MYCBP2: variants seen among roughly 807,000 people sequenced by gnomAD.
The protein encoded by MYCBP2 is MYC binding protein 2.
In MYCBP2, 120 loss-of-function variants were observed where a neutral mutation model predicts 525.3. The ratio of observed to expected loss-of-function variants is 0.23; its 90% confidence interval spans 0.20 to 0.27. The LOEUF (loss-of-function observed/expected upper bound fraction) is 0.27. Ranked by LOEUF, MYCBP2 falls within the 10% of genes least tolerant of loss-of-function variation. The pLI, the probability that MYCBP2 is intolerant of heterozygous loss-of-function variation, is 1.00. For missense variants in MYCBP2, 4,149 were observed against 5,657.1 expected (o/e 0.73, Z 8.55); for synonymous variants, 1,894 against 1,955.8 (o/e 0.97, Z 0.83).
chr13:77,052,018 A>G (rs1185326827), intron 80 of MYCBP2, 100 bp from the exon 81 acceptor site: 34 of 873,202 alleles, frequency 3.9e-5, no homozygotes, highest in Non-Finnish European at 4.4e-5. Context: ...GGGGTTTTAG[A>G]AAATACCATT....
At chr13:77,070,223 A>G (rs1227507253) in intron 69 of MYCBP2, among the ~76,000 whole-genome samples, 1 of 152,152 alleles carries the variant, frequency 6.6e-6, no homozygotes, top group East Asian at 1.9e-4. Context: ...ATTCCTCTCT[A>G]AAAAATGGCA....
chr13:77,185,780 G>A, intron 31 of MYCBP2, 91 bp downstream of exon 31: 4 of 920,662 alleles, frequency 4.3e-6, no homozygotes, highest in Non-Finnish European at 6.3e-6. Context: ...AATGCAGCTG[G>A]GGGGCATAAA....
intron 14 of MYCBP2, among the ~76,000 whole-genome samples, chr13:77,254,419 C>T (rs1250453295): frequency 4.0e-5 from 6 of 151,514 alleles, no homozygotes; most frequent in East Asian, 1.9e-4. Context: ...GGTAGAGACA[C>T]AATTTTTTAA....
Position 77,211,976 on chromosome 13 carries a change from A to C in MYCBP2, c.3242T>G (p.Phe1081Cys). ...ATTACCTATTATGTGTTTACTGGCAAAAATTTCTGATGTAGCAAGTACATG... is the reference window on the plus strand; with the variant it reads ...ATTACCTATTATGTGTTTACTGGCACAAATTTCTGATGTAGCAAGTACATG... ...NSHVLATSEI[F>C]ASKHIIGLVP... The change falls in exon 22 of 83, where the codon TTT (phenylalanine) becomes TGT (cysteine). Residue 1081 changes from phenylalanine to cysteine, a missense_variant. Coordinates refer to ENST00000544440, the MANE Select transcript of MYCBP2 (RefSeq NM_015057.5). The C allele has an allele frequency of 6.2e-7, 1 of 1,613,974 alleles. No homozygotes were observed. Among genetic ancestry groups the C allele is most frequent in the Non-Finnish European group, 8.5e-7 (1 of 1,179,900 alleles).
intron 26 of MYCBP2, among the ~76,000 whole-genome samples, chr13:77,205,036 C>G (rs2063158245): frequency 6.6e-6 from 1 of 151,472 alleles, no homozygotes; most frequent in Non-Finnish European, 1.5e-5. Context: ...TACCCTAAAA[C>G]TTAAAGTATA....
Position 77,181,860 on chromosome 13 carries a change from A to G in MYCBP2, c.4782T>C (p.Ala1594=). The G allele has an allele frequency of 6.2e-7, 1 of 1,614,086 alleles. No homozygotes were observed. The highest frequency in any genetic ancestry group is 8.5e-7 in the Non-Finnish European group (1 of 1,180,022). ...TCAGCTTAACAGACGTGTGACACAG[A>G]GCTGACATAACAGCTGCAAGGAGTC... ...SSRLLAAVMS[A]LCHTSVKLTS... Residue 1594 remains alanine, a synonymous_variant, in exon 33 of 83, where the codon GCT becomes GCC. Transcript: ENST00000544440.
At position 77,326,589 on chromosome 13, in the gene MYCBP2, G is replaced by A; in HGVS notation, c.187C>T (p.His63Tyr). 1 of 1,590,878 alleles carries A rather than the reference G, an allele frequency of 6.3e-7. No homozygotes were observed. The highest frequency in any genetic ancestry group is 8.5e-7 in the Non-Finnish European group (1 of 1,170,324). Residue 63 changes from histidine (H) to tyrosine (Y), a missense_variant, in exon 1 of 83, where the codon CAC (histidine) becomes TAC (tyrosine). By Grantham distance (83) the His-to-Tyr change is moderately conservative. This residue lies in a region of MYCBP2 where 413 missense variants were observed against 451.2 expected (regional missense o/e 0.92). Coordinates refer to ENST00000544440, the MANE Select transcript of MYCBP2 (RefSeq NM_015057.5). This position sits in a 1 kb window ranked among gnomAD's most constrained non-coding sequence, Gnocchi z 4.2. ...CGGCCTGACAGCAGCAGCTGGTAGT[G>A]ACCCCGGGAGTCCGCGGCGGGTAGC... The part of the protein sequence containing the change: ...LGLPAADSRG[H>Y]YQLLLSGRAL...
rs2154068405 is a variant in MYCBP2, at chr13:77,058,439, A to G, written c.13141-33T>C. 1 of 1,506,466 alleles carries G rather than the reference A, an allele frequency of 6.6e-7. No homozygotes were observed. The highest frequency in any genetic ancestry group is 1.4e-5 in the African/African-American group (1 of 70,750). The allele number at this position is 1,506,466 out of a possible 1,614,324, so 93.3% of individuals were successfully genotyped here. ...AGATGAATTACAATGTTACACAAGT[A>G]TGTAAAAAAGCACACATTCTGGTAA... is the stretch of plus-strand genomic sequence containing the variant. On this transcript the variant is annotated intron_variant, in intron 77 of 82. Transcript: ENST00000544440. The surrounding 1 kb of genome is among the most constrained non-coding windows in gnomAD (Gnocchi z 4.1).
chr13:77,124,196 T>C (rs561574670), intron 54 of MYCBP2, among the ~76,000 whole-genome samples: 1 of 152,166 alleles, frequency 6.6e-6, no homozygotes, highest in South Asian at 2.1e-4. Flanking sequence ...TGTACAACCA[T>C]AGACACGTTA....
At chr13:77,138,704 C>A (rs17067242) in intron 52 of MYCBP2, among the ~76,000 whole-genome samples, 25,170 of 151,970 alleles carry the variant, frequency 0.17, 2,394 homozygotes, top group South Asian at 0.4. Flanking sequence ...TAGAATACAA[C>A]GGAGCACCAC....
chr13:77,326,099 T>C lies in MYCBP2; in HGVS notation c.302+375A>G, dbSNP rs2154385829. Among the ~76,000 whole-genome samples, 1 of 152,072 alleles carries C rather than the reference T, an allele frequency of 6.6e-6. No individual in the cohort carries two copies. Among genetic ancestry groups the C allele is most frequent in the East Asian group, 1.9e-4 (1 of 5,168 alleles). On this transcript the variant is annotated intron_variant, in intron 1 of 82. Coordinates refer to ENST00000544440, the MANE Select transcript of MYCBP2 (RefSeq NM_015057.5). This position sits in a 1 kb window ranked among gnomAD's most constrained non-coding sequence, Gnocchi z 4.2. ...TGCCACTGTTGCAATTCTCTTCGTG[T>C]ATCATCCTCTTACCCTCTCTACCCA...
chr13:77,183,859 C>T (rs2060485596), intron 32 of MYCBP2, among the ~76,000 whole-genome samples: 1 of 152,020 alleles, frequency 6.6e-6, no homozygotes. Context: ...ACCCCTATTT[C>T]ACTTTTGATT....
intron 2 of MYCBP2, 140 bp from the exon 3 acceptor site, chr13:77,288,516 T>G (rs917192134): frequency 2.2e-5 from 16 of 730,848 alleles, no homozygotes; most frequent in Admixed American, 5.9e-5. Flanking sequence ...TCTAAGTCTA[T>G]GGACCCAACT....
At chr13:77,186,786 C>T (rs73241439) in intron 30 of MYCBP2, among the ~76,000 whole-genome samples, 3,327 of 148,448 alleles carry the variant, frequency 0.022, 57 homozygotes, top group Middle Eastern at 0.077. Flanking sequence ...CTCCTGAAAA[C>T]GAGTTTATAG....
At chr13:77,166,634 G>C (rs2058548521) in intron 40 of MYCBP2, 80 bp from the exon 41 acceptor site, 2 of 863,508 alleles carry the variant, frequency 2.3e-6, no homozygotes, top group African/African-American at 1.7e-5. Context: ...ATGTGTGTGT[G>C]TGTCTATGCT....
intron 1 of MYCBP2, among the ~76,000 whole-genome samples, chr13:77,312,815 C>G (rs1450358077): frequency 6.6e-6 from 1 of 151,386 alleles, no homozygotes; most frequent in Admixed American, 6.6e-5. Context: ...CAAAGATTGA[C>G]AGTGGATTTC....
intron 17 of MYCBP2, among the ~76,000 whole-genome samples, chr13:77,236,627 C>T (rs999769473): frequency 1.2e-4 from 19 of 152,112 alleles, no homozygotes; most frequent in South Asian, 6.2e-4. Context: ...TGGAATAATA[C>T]GCAGCCATTA....
In MYCBP2 at chr13:77,168,581, C is replaced by T; in HGVS notation, c.5961G>A (p.Lys1987=). The T allele has an allele frequency of 6.2e-7, 1 of 1,614,126 alleles. No homozygotes were observed. The part of the protein sequence containing the change: ...LLPSVAILNQ[K]YAPPAFNPNQ... ...TAGGGTTGAAGGCAGGCGGTGCATA[C>T]TTCTGATTCAAAATGGCAACTGACG... Residue 1987 remains lysine, a synonymous_variant, in exon 40 of 83, where the codon AAG becomes AAA. Transcript: ENST00000544440.
chr13:77,183,927 TACCAACTTTTTTTCTTCAAAAA>T (rs2060494847), intron 32 of MYCBP2, among the ~76,000 whole-genome samples: 1 of 152,178 alleles, frequency 6.6e-6, no homozygotes, highest in African/African-American at 2.4e-5. Flanking sequence ...GCTAGGAGTT[TACCAACTTTTTTTCTTCAAAAA>T]ACCAACTTTT....
Sources: allele counts gnomAD v4.1 joint callset (sites outside exome capture counted in the v4.1 genomes callset), GRCh38; gene constraint gnomAD v4.1.1; regional missense constraint gnomAD v4.1.1; non-coding constraint Gnocchi (gnomAD v3.1); transcripts MANE v1.5; gene names NCBI Gene and HGNC (gene_info 2026-07-23, HGNC 2026-07-21).